Variants in DCTN2 observed in about 807,000 individuals in gnomAD.
The protein encoded by DCTN2 is dynactin subunit 2.
A neutral mutation model predicts 55.4 loss-of-function variants in DCTN2; 18 were observed. The ratio of observed to expected loss-of-function variants is 0.32; its 90% CI spans 0.22 to 0.48. The LOEUF (loss-of-function observed/expected upper bound fraction) is 0.48, where lower values mean the gene tolerates loss of function less well. Among genes scored for constraint, DCTN2 ranks in the 20% least tolerant of loss-of-function variants. DCTN2 has a pLI of 0.99. For missense variants in DCTN2, 390 were observed against 491.0 expected (o/e 0.79, Z 1.94); for synonymous variants, 168 against 185.2 (o/e 0.91, Z 0.76).
intron 2 of DCTN2, among the ~76,000 whole-genome samples, chr12:57,537,657 T>C (rs1332710283): frequency 6.6e-6 from 1 of 152,214 alleles, no homozygotes; most frequent in Non-Finnish European, 1.5e-5. Context: ...AAGTATCAAC[T>C]TTGATCTTTA....
chr12:57,532,957 A>C, intron 9 of DCTN2, 27 bp downstream of exon 9: 3 of 1,599,732 alleles, frequency 1.9e-6, no homozygotes, highest in Non-Finnish European at 2.6e-6. Context: ...TCTGTGATCC[A>C]AACACTCCAG....
chr12:57,541,100 T>C (rs1458615808), intron 2 of DCTN2, among the ~76,000 whole-genome samples: 1 of 152,158 alleles, frequency 6.6e-6, no homozygotes, highest in South Asian at 2.1e-4. Context: ...ATTTAAAGCC[T>C]CCATGCTTCT....
chr12:57,546,964 T>C, intron 1 of DCTN2, 64 bp downstream of exon 1: 1 of 1,222,270 alleles, frequency 8.2e-7, no homozygotes. Context: ...GGCTGGTTTC[T>C]GCTGGGGGTC....
chr12:57,535,647 C>A, intron 3 of DCTN2, 102 bp from the exon 4 acceptor site: 1 of 1,514,460 alleles, frequency 6.6e-7, no homozygotes. Context: ...CCATGAGGGA[C>A]CCCTTCCCCC....
At chr12:57,544,453 C>T (rs1420848495) in intron 2 of DCTN2, among the ~76,000 whole-genome samples, 2 of 140,110 alleles carry the variant, frequency 1.4e-5, no homozygotes, top group Non-Finnish European at 1.5e-5. Context: ...CTTGCTCTGT[C>T]ACCCAGGCTG....
intron 2 of DCTN2, chr12:57,538,389 G>A: frequency 1.5e-6 from 1 of 685,894 alleles, no homozygotes. Context: ...AGTGACTTGT[G>A]AGATAGGAAA....
At position 57,534,420 on chromosome 12, in the gene DCTN2, C is replaced by T; in HGVS notation, c.396G>A (p.Lys132=). ...GTTTAGCCAGCAACACAGGGGTCAG[C>T]TTCTCCTCTGTGGCTGACTCCTTCA... ...TTVKESATEE[K]LTPVLLAKQL... The change falls in exon 6 of 14, where the codon AAG becomes AAA. Residue 132 remains lysine, a synonymous_variant. Transcript: ENST00000548249. 1.2e-6 allele frequency: 2 copies of T among 1,610,030 alleles called. No individual in the cohort carries two copies. The highest frequency in any genetic ancestry group is 1.7e-5 in the Admixed American group (1 of 59,690).
At chr12:57,534,264 T>C (rs1880025789) in intron 6 of DCTN2, 28 bp downstream of exon 6, 2 of 1,557,210 alleles carry the variant, frequency 1.3e-6, no homozygotes, top group African/African-American at 1.4e-5. Context: ...CAGTCAGCAA[T>C]GATTTTTCAA....
chr12:57,543,672 G>A (rs956864948), intron 2 of DCTN2: 14 of 757,362 alleles, frequency 1.8e-5, no homozygotes, highest in East Asian at 2.6e-4. Flanking sequence ...TTGGCTCTTC[G>A]GGCCCCTGAA....
chr12:57,535,541 G>A lies in DCTN2; in HGVS notation c.207C>T (p.Phe69=), dbSNP rs1338351964. The change falls in exon 4 of 14, where the codon TTC becomes TTT. Residue 69 remains phenylalanine (F), a synonymous_variant. Coordinates refer to ENST00000548249, the MANE Select transcript of DCTN2 (RefSeq NM_001261413.2). ...TCTTGGTTTTTCCAATACGATCTGA[G>A]AAATCTGCCAAGAAAAGAAGATGGA... The part of the protein sequence containing the change: ...DKRVGTKGLD[F]SDRIGKTKRT... 37 of 1,613,840 alleles carry A rather than the reference G, an allele frequency of 2.3e-5. No homozygotes were observed. The highest frequency in any genetic ancestry group is 4.0e-5 in the African/African-American group (3 of 74,898).
In DCTN2 at chr12:57,546,226, C is replaced by T. The variant is rs2140142382; in HGVS notation, c.37-130G>A. 3.8e-6 allele frequency: 3 copies of T among 795,748 alleles called. No individual in the cohort carries two copies. The South Asian group carries it at 4.8e-5, about 13-fold the overall frequency. The allele number at this position is 795,748 out of a possible 1,614,324, so 49.3% of individuals were successfully genotyped here. A position where few individuals can be genotyped will look rare whatever the true frequency, so the allele number is the denominator to read the frequency against. On this transcript the variant is annotated intron_variant, in intron 1 of 13. Transcript: ENST00000548249. ...TCAGGGTTCTGTCCTTTCTCCTCCA[C>T]CTGCCCCGTGAGTCAACAGTATGTC...
chr12:57,541,481 G>C (rs1169615204), intron 2 of DCTN2: 1 of 1,142,336 alleles, frequency 8.8e-7, no homozygotes, highest in Non-Finnish European at 1.3e-6. Context: ...GCATACTCCA[G>C]GATCTTCTAA....
intron 2 of DCTN2, among the ~76,000 whole-genome samples, chr12:57,543,489 C>A (rs539361363): frequency 1.3e-5 from 2 of 152,236 alleles, no homozygotes; most frequent in East Asian, 3.9e-4. Context: ...CCAGGCCTCA[C>A]GGACATGACA....
chr12:57,547,042 C>A lies in DCTN2; in HGVS notation c.22G>T (p.Asp8Tyr). 1.6e-6 allele frequency: 2 copies of A among 1,287,346 alleles called. No individual in the cohort carries two copies. The highest frequency in any genetic ancestry group is 2.0e-6 in the Non-Finnish European group (2 of 1,009,552). 79.7% of individuals were successfully genotyped at this position (1,287,346 alleles called of 1,614,324 possible). The change falls in exon 1 of 14, where the codon GAC (aspartate) becomes TAC (tyrosine). Residue 8 changes from aspartate (D) to tyrosine (Y), a missense_variant. By Grantham distance (160) the Asp-to-Tyr change is radical (BLOSUM62 -3). This residue lies in a region of DCTN2 where 117 missense variants were observed against 187.8 expected (regional missense o/e 0.62). Coordinates refer to ENST00000548249, the MANE Select transcript of DCTN2 (RefSeq NM_001261413.2). ...CCTGTACTCACAATGCCGGGAAGGT[C>A]GGCGTATTTAGGGTCCGCCATGGCG... MADPKYA[D>Y]LPGIARNEPD...
intron 2 of DCTN2, among the ~76,000 whole-genome samples, chr12:57,541,547 G>A (rs916067990): frequency 3.3e-5 from 5 of 152,132 alleles, no homozygotes; most frequent in African/African-American, 1.2e-4. Context: ...TCTACCTTTT[G>A]GAGAAATGAA....
chr12:57,533,807 C>T (rs1565677860), intron 7 of DCTN2, 146 bp downstream of exon 7: 24 of 874,200 alleles, frequency 2.7e-5, no homozygotes, highest in Admixed American at 2.9e-5. Context: ...TAGAGAACAA[C>T]GAATCAGGAA....
At chr12:57,530,851 TGA>T (rs747905457) in intron 13 of DCTN2, 76 bp from the exon 14 acceptor site, 46 of 1,258,790 alleles carry the variant, frequency 3.7e-5, no homozygotes, top group African/African-American at 7.4e-5. Flanking sequence ...AGGAATTCTC[TGA>T]GAGAGAAGAC....
intron 2 of DCTN2, chr12:57,543,852 C>A (rs1252816792): frequency 7.8e-7 from 1 of 1,286,430 alleles, no homozygotes; most frequent in Non-Finnish European, 1.0e-6. Flanking sequence ...CTCACAGTAT[C>A]CTCTCCTCAT....
intron 2 of DCTN2, chr12:57,543,792 T>C (rs1412956836): frequency 1.6e-6 from 2 of 1,288,612 alleles, no homozygotes; most frequent in East Asian, 5.6e-5. Flanking sequence ...ATTCAGCTCA[T>C]ATGCACTTCT....
Sources: allele counts gnomAD v4.1 joint callset (sites outside exome capture counted in the v4.1 genomes callset), GRCh38; gene constraint gnomAD v4.1.1; regional missense constraint gnomAD v4.1.1; transcripts MANE v1.5; gene names NCBI Gene and HGNC (gene_info 2026-07-23, HGNC 2026-07-21).